Variants in CWC27 observed in about 807,000 individuals in gnomAD.
The protein encoded by CWC27 is CWC27 spliceosome associated cyclophilin, also known as spliceosome-associated protein CWC27 homolog.
In CWC27, 47 loss-of-function variants were observed where a neutral mutation model predicts 63.6. The observed-to-expected ratio is 0.74, with a 90% CI of 0.58 to 0.94. CWC27 has a LOEUF of 0.94. Ranked by LOEUF, CWC27 falls within the 40% of genes least tolerant of loss-of-function variation. The probability of loss-of-function intolerance (pLI) is 0.00; values close to 1 mark genes in which losing one functional copy is unlikely to be tolerated. For missense variants in CWC27, 495 were observed against 554.3 expected (o/e 0.89, Z 1.07); for synonymous variants, 175 against 179.8 (o/e 0.97, Z 0.22).
At chr5:64,911,682 G>A (rs1469955760) in intron 11 of CWC27, among the ~76,000 whole-genome samples, 1 of 152,128 alleles carries the variant, frequency 6.6e-6, no homozygotes, top group Non-Finnish European at 1.5e-5. Context: ...AGGGAATAGG[G>A]ACTGAAGTCC....
At chr5:64,800,911 C>T (rs527411811) in intron 8 of CWC27, among the ~76,000 whole-genome samples, 3 of 152,210 alleles carry the variant, frequency 2.0e-5, no homozygotes, top group South Asian at 2.1e-4. Context: ...AGCTCATTTT[C>T]GAAACTCCTG....
At chr5:64,999,357 T>C (rs1749692324) in intron 13 of CWC27, among the ~76,000 whole-genome samples, 1 of 152,094 alleles carries the variant, frequency 6.6e-6, no homozygotes, top group Admixed American at 6.5e-5. Context: ...TTGGGAACTT[T>C]TGAACTCTTC....
intron 10 of CWC27, among the ~76,000 whole-genome samples, chr5:64,883,260 C>T (rs899793322): frequency 6.6e-5 from 10 of 152,192 alleles, no homozygotes; most frequent in African/African-American, 2.4e-4. Flanking sequence ...ATTATGGGAA[C>T]TACAATTCAA....
chr5:64,829,456 C>T (rs750650428), intron 10 of CWC27, among the ~76,000 whole-genome samples: 4 of 151,662 alleles, frequency 2.6e-5, no homozygotes, highest in Middle Eastern at 3.4e-3. Flanking sequence ...AAACAGGTAT[C>T]GAGAAAGAAA....
intron 10 of CWC27, among the ~76,000 whole-genome samples, chr5:64,841,640 T>C (rs1745845485): frequency 6.6e-6 from 1 of 152,174 alleles, no homozygotes; most frequent in East Asian, 1.9e-4. Flanking sequence ...TTGTTACCTC[T>C]GTATTTGCCA....
intron 12 of CWC27, among the ~76,000 whole-genome samples, chr5:64,973,843 A>C (rs1749171752): frequency 1.3e-5 from 2 of 152,126 alleles, no homozygotes; most frequent in African/African-American, 4.8e-5. Context: ...TTTTCTAGGA[A>C]ATTTTAAAAT....
chr5:64,914,726 TAC>T, intron 11 of CWC27, among the ~76,000 whole-genome samples: 1 of 152,202 alleles, frequency 6.6e-6, no homozygotes, highest in Middle Eastern at 3.4e-3. Context: ...CAGTTAAAAA[TAC>T]ACACAGTCCA....
At chr5:64,874,742 C>G (rs963415049) in intron 10 of CWC27, among the ~76,000 whole-genome samples, 1 of 151,970 alleles carries the variant, frequency 6.6e-6, no homozygotes, top group African/African-American at 2.4e-5. Context: ...TTTTCCAAAC[C>G]CTGGATATTG....
At chr5:64,851,565 A>G (rs1392083864) in intron 10 of CWC27, among the ~76,000 whole-genome samples, 1 of 152,196 alleles carries the variant, frequency 6.6e-6, no homozygotes, top group Non-Finnish European at 1.5e-5. Context: ...TCACCACAGA[A>G]GTATGTTAAG....
intron 1 of CWC27, among the ~76,000 whole-genome samples, chr5:64,772,778 A>T (rs1186495413): frequency 6.6e-6 from 1 of 151,586 alleles, no homozygotes; most frequent in African/African-American, 2.4e-5. Flanking sequence ...TCTACTAAAG[A>T]TACAAAAAAT....
intron 11 of CWC27, among the ~76,000 whole-genome samples, chr5:64,956,908 C>T (rs1339704515): frequency 1.3e-5 from 2 of 152,012 alleles, no homozygotes; most frequent in African/African-American, 4.8e-5. Flanking sequence ...AGTAATAAAG[C>T]ATGCACAGTA....
chr5:64,927,665 C>G (rs1476131786), intron 11 of CWC27, among the ~76,000 whole-genome samples: 1 of 152,090 alleles, frequency 6.6e-6, no homozygotes, highest in East Asian at 1.9e-4. Context: ...TCCCCTCTGC[C>G]TCACCCCTGC....
At chr5:64,858,102 C>T (rs1406221267) in intron 10 of CWC27, among the ~76,000 whole-genome samples, 3 of 113,482 alleles carry the variant, frequency 2.6e-5, no homozygotes, top group Admixed American at 1.1e-4. Context: ...CGCGCCACTG[C>T]ACTCCAGCCT....
chr5:64,910,612 C>G (rs1035871939), intron 11 of CWC27, among the ~76,000 whole-genome samples: 3 of 152,186 alleles, frequency 2.0e-5, no homozygotes, highest in Non-Finnish European at 2.9e-5. Context: ...CCACCCAGTT[C>G]AAGCTTCTCC....
intron 12 of CWC27, among the ~76,000 whole-genome samples, chr5:64,976,923 G>A (rs971502495): frequency 1.3e-5 from 2 of 152,146 alleles, no homozygotes; most frequent in African/African-American, 4.8e-5. Context: ...CTATCTCTGA[G>A]GGGAAATGTC....
At chr5:64,894,990 A>G (rs1747334663) in intron 11 of CWC27, among the ~76,000 whole-genome samples, 2 of 152,218 alleles carry the variant, frequency 1.3e-5, no homozygotes, top group South Asian at 2.1e-4. Flanking sequence ...TCAGTGGGCT[A>G]CAAGGGAAAT....
At chr5:64,797,935 TGGACCAAAAGGCTA>T (rs999134640) in intron 7 of CWC27, among the ~76,000 whole-genome samples, 3 of 152,280 alleles carry the variant, frequency 2.0e-5, no homozygotes, top group African/African-American at 7.2e-5. Context: ...TTCTGATCAG[TGGACCAAAAGGCTA>T]GAACAGAGGA....
chr5:64,788,911 TTC>T (rs770916705), intron 6 of CWC27, 38 bp from the exon 7 acceptor site: 10 of 1,385,838 alleles, frequency 7.2e-6, no homozygotes, highest in Middle Eastern at 2.2e-4. Context: ...TGATTTGACT[TTC>T]TCTTTCTTTT....
At chr5:64,855,360 C>T (rs532065730) in intron 10 of CWC27, among the ~76,000 whole-genome samples, 8 of 152,206 alleles carry the variant, frequency 5.3e-5, no homozygotes, top group African/African-American at 7.2e-5. Flanking sequence ...TTTCTCTGAA[C>T]ATGTCAGCAT....
Sources: gnomAD v4.1 joint callset for allele counts (sites outside exome capture counted in the v4.1 genomes callset) on GRCh38, gnomAD v4.1.1 for gene constraint, MANE v1.5 for transcripts, NCBI Gene and HGNC (gene_info 2026-07-23, HGNC 2026-07-21) for gene names.